AKR1C3: variants seen among roughly 807,000 people sequenced by gnomAD.
AKR1C3 encodes the protein 3-alpha hydroxysteroid dehydrogenase, type II.
Under a neutral mutation model 43.6 loss-of-function variants are expected in AKR1C3, and 48 were observed. The observed-to-expected ratio is 1.10, with a 90% CI of 0.87 to 1.40. The LOEUF (loss-of-function observed/expected upper bound fraction) is 1.40. Ranked by LOEUF, AKR1C3 falls within the 40% of genes most tolerant of loss-of-function variation. The pLI, the probability that AKR1C3 is intolerant of heterozygous loss-of-function variation, is 0.00. For missense variants in AKR1C3, 482 were observed against 391.2 expected, an observed-to-expected ratio of 1.23 and a Z score of -1.96; for synonymous variants, 162 against 139.6, an observed-to-expected ratio of 1.16 and a Z score of -1.13.
intron 1 of AKR1C3, among the ~76,000 whole-genome samples, chr10:5,070,081 G>A (rs1324992769): frequency 6.6e-6 from 1 of 152,244 alleles, no homozygotes; most frequent in Non-Finnish European, 1.5e-5. Context: ...ACTGGTTGGT[G>A]ACGGTTAGGT....
intron 1 of AKR1C3, among the ~76,000 whole-genome samples, chr10:5,049,390 C>T (rs782397599): frequency 3.1e-4 from 47 of 152,136 alleles, no homozygotes; most frequent in Non-Finnish European, 5.9e-4. Flanking sequence ...CATGGTAATA[C>T]TGGACCTGGA....
intron 1 of AKR1C3, chr10:5,081,680 A>C (rs1026345107): frequency 2.6e-5 from 4 of 152,138 alleles, no homozygotes; most frequent in African/African-American, 9.7e-5. Flanking sequence ...CCTCCTTTCT[A>C]GGTGTGAATT....
At chr10:5,100,284 A>C (rs1414916876) in intron 5 of AKR1C3, among the ~76,000 whole-genome samples, 2 of 152,164 alleles carry the variant, frequency 1.3e-5, no homozygotes, top group African/African-American at 2.4e-5. Context: ...ACAAGAGTGA[A>C]ACTCCGTCTC....
intron 1 of AKR1C3, among the ~76,000 whole-genome samples, chr10:5,064,391 T>C (rs1838451103): frequency 6.6e-6 from 1 of 152,234 alleles, no homozygotes; most frequent in South Asian, 2.1e-4. Flanking sequence ...TCAAAATATA[T>C]TAAAACCTTA....
At chr10:5,084,914 T>C (rs1473900047) in intron 1 of AKR1C3, among the ~76,000 whole-genome samples, 3 of 152,216 alleles carry the variant, frequency 2.0e-5, no homozygotes, top group Non-Finnish European at 4.4e-5. Flanking sequence ...TTGTGATTTT[T>C]GCACATTGAT....
intron 1 of AKR1C3, among the ~76,000 whole-genome samples, chr10:5,078,569 T>C (rs1293533896): frequency 6.6e-6 from 1 of 152,196 alleles, no homozygotes; most frequent in Non-Finnish European, 1.5e-5. Flanking sequence ...AAGGGTTAAA[T>C]GCAAGGCAGG....
At chr10:5,079,621 G>T (rs958439725) in intron 1 of AKR1C3, among the ~76,000 whole-genome samples, 3 of 151,980 alleles carry the variant, frequency 2.0e-5, no homozygotes, top group Middle Eastern at 3.4e-3. Flanking sequence ...TCTTCCTGAG[G>T]GCAGCTTGGG....
chr10:5,084,395 G>A (rs532101423), intron 1 of AKR1C3, among the ~76,000 whole-genome samples: 262 of 151,172 alleles, frequency 1.7e-3, no homozygotes, highest in Non-Finnish European at 3.0e-3. Context: ...GTAGATATGC[G>A]GCATTATTTC....
chr10:5,102,196 A>G lies in AKR1C3; in HGVS notation c.666A>G (p.Gln222=), dbSNP rs899455989. 6.2e-6 allele frequency: 10 copies of G among 1,613,016 alleles called. No individual in the cohort carries two copies. The highest frequency in any genetic ancestry group is 1.3e-5 in the African/African-American group (1 of 74,890). ...VLVAYSALGS[Q]RDKRWVDPNS... is the part of the protein sequence containing the mutation. ...TTGCCTATAGTGCTCTGGGATCTCA[A>G]CGAGACAAACGATGGTAATAAAAAC... is the stretch of plus-strand genomic sequence containing the variant. Residue 222 remains glutamine (Q), a synonymous_variant, in exon 6 of 9, where the codon CAA becomes CAG. Coordinates refer to ENST00000380554, the MANE Select transcript of AKR1C3 (RefSeq NM_003739.6).
At position 5,055,837 on chromosome 10, in the gene AKR1C3, G is replaced by A. The variant is rs1037748837; in HGVS notation, c.84+6942G>A. 2.6e-5 allele frequency among the ~76,000 whole-genome samples: 4 copies of A among 152,186 alleles called. No homozygotes were observed. The East Asian group carries it at 7.7e-4, about 29-fold the overall frequency. ...CTTGATTAGGGTATAGAAGGGCCTG[G>A]CTATCTTGCTGTATCTGGGGATCCA... On this transcript the variant is annotated intron_variant, in intron 1 of 8. Coordinates refer to the AKR1C3 transcript ENST00000439082.
chr10:5,067,300 G>A (rs1838527106), intron 1 of AKR1C3, among the ~76,000 whole-genome samples: 1 of 152,176 alleles, frequency 6.6e-6, no homozygotes, highest in African/African-American at 2.4e-5. Flanking sequence ...GTGTTAATCT[G>A]TTAACTTGGG....
At chr10:5,103,400 A>G (rs939749289) in intron 7 of AKR1C3, among the ~76,000 whole-genome samples, 4 of 152,058 alleles carry the variant, frequency 2.6e-5, no homozygotes, top group African/African-American at 9.7e-5. Context: ...TAATTATACT[A>G]TTAAATAGAG....
chr10:5,107,314 G>T (rs200415072), intron 8 of AKR1C3, 147 bp from the exon 9 acceptor site: 2 of 624,324 alleles, frequency 3.2e-6, no homozygotes, highest in Admixed American at 6.5e-5. Context: ...GTATTATGAA[G>T]CCATGTTCAT....
intron 1 of AKR1C3, among the ~76,000 whole-genome samples, chr10:5,067,821 A>G (rs1554780931): frequency 6.6e-6 from 1 of 152,134 alleles, no homozygotes. Context: ...TGAGTCATGG[A>G]GTGCAGAACT....
chr10:5,060,568 AG>A (rs1374051077), intron 1 of AKR1C3, among the ~76,000 whole-genome samples: 1 of 152,194 alleles, frequency 6.6e-6, no homozygotes, highest in Non-Finnish European at 1.5e-5. Flanking sequence ...ACAATCCCTT[AG>A]CTAGACATAA....
chr10:5,102,767 G>C, intron 7 of AKR1C3, 117 bp downstream of exon 7: 2 of 1,509,752 alleles, frequency 1.3e-6, no homozygotes, highest in Non-Finnish European at 1.8e-6. Flanking sequence ...TTTCCCATAT[G>C]AATGCTTTGC....
At position 5,099,356 on chromosome 10, in the gene AKR1C3, G is replaced by A; in HGVS notation, c.477G>A (p.Leu159=). Residue 159 remains leucine (L), a synonymous_variant, in exon 5 of 9, where the codon TTG becomes TTA. Coordinates refer to ENST00000380554, the MANE Select transcript of AKR1C3 (RefSeq NM_003739.6). ...TGGAGAAGTGTAAGGATGCAGGATT[G>A]GCCAAGTCCATTGGGGTGTCAAACT... ...EAMEKCKDAG[L]AKSIGVSNFN... 2 of 1,614,120 alleles carry A rather than the reference G, an allele frequency of 1.2e-6. No homozygotes were observed. The highest frequency in any genetic ancestry group is 1.7e-6 in the Non-Finnish European group (2 of 1,180,032).
At chr10:5,087,856 T>A (rs1839006218) in intron 1 of AKR1C3, among the ~76,000 whole-genome samples, 1 of 152,142 alleles carries the variant, frequency 6.6e-6, no homozygotes, top group African/African-American at 2.4e-5. Flanking sequence ...TTATTTCTTT[T>A]CTTCTGCTAA....
intron 1 of AKR1C3, among the ~76,000 whole-genome samples, chr10:5,069,870 G>A (rs1345438855): frequency 6.6e-6 from 1 of 150,594 alleles, no homozygotes; most frequent in African/African-American, 2.5e-5. Flanking sequence ...GTGAAACTCT[G>A]TCTCAAAAAA....
Sources: gnomAD v4.1 joint callset for allele counts (sites outside exome capture counted in the v4.1 genomes callset) on GRCh38, gnomAD v4.1.1 for gene constraint, MANE v1.5 for transcripts, NCBI Gene and HGNC (gene_info 2026-07-23, HGNC 2026-07-21) for gene names.